The following KLHL1 variants were observed in gnomAD, a reference collection of about 807,000 sequenced individuals.
KLHL1 encodes the protein kelch-like protein 1.
In KLHL1, 47 loss-of-function variants were observed where a neutral mutation model predicts 77.7. The observed-to-expected ratio is 0.60, with a 90% CI of 0.48 to 0.77. The LOEUF (loss-of-function observed/expected upper bound fraction) is 0.77, where lower values mean the gene tolerates loss of function less well. KLHL1 is among the 30% of genes least tolerant of loss of function. The probability of loss-of-function intolerance (pLI) is 0.00; values close to 1 mark genes in which losing one functional copy is unlikely to be tolerated. For missense variants in KLHL1, 925 were observed against 910.8 expected (o/e 1.02, Z -0.20); for synonymous variants, 360 against 325.2 (o/e 1.11, Z -1.15).
At chr13:69,712,370 C>A (rs971550572) in intron 9 of KLHL1, among the ~76,000 whole-genome samples, 4 of 151,606 alleles carry the variant, frequency 2.6e-5, no homozygotes, top group African/African-American at 7.3e-5. Context: ...ATGTGATATG[C>A]AATAGAGGGT....
At chr13:69,714,542 C>A (rs1221733085) in intron 9 of KLHL1, among the ~76,000 whole-genome samples, 1 of 151,744 alleles carries the variant, frequency 6.6e-6, no homozygotes, top group Non-Finnish European at 1.5e-5. Flanking sequence ...GACAGAAAAC[C>A]ATAATTAGCA....
intron 5 of KLHL1, among the ~76,000 whole-genome samples, chr13:69,876,771 C>A (rs777406561): frequency 1.3e-5 from 2 of 152,200 alleles, no homozygotes; most frequent in Non-Finnish European, 2.9e-5. Flanking sequence ...GGAGCAGTGG[C>A]TCATGCCTGT....
intron 1 of KLHL1, among the ~76,000 whole-genome samples, chr13:70,056,665 A>G (rs1886752075): frequency 6.6e-6 from 1 of 152,182 alleles, no homozygotes; most frequent in African/African-American, 2.4e-5. Flanking sequence ...ATAAGTAACA[A>G]GAGGTACTTC....
intron 1 of KLHL1, among the ~76,000 whole-genome samples, chr13:70,077,423 T>TA (rs895094900): frequency 4.0e-5 from 6 of 151,124 alleles, no homozygotes; most frequent in Admixed American, 6.6e-5. Flanking sequence ...CTACAGAGAT[T>TA]AAAAAAAAAT....
intron 2 of KLHL1, among the ~76,000 whole-genome samples, chr13:69,971,976 AG>A (rs1403313961): frequency 6.6e-6 from 1 of 152,012 alleles, no homozygotes; most frequent in East Asian, 1.9e-4. Flanking sequence ...AGAAAACAAA[AG>A]TTTTTCAGTT....
At chr13:70,033,679 GC>G (rs1345277403) in intron 1 of KLHL1, among the ~76,000 whole-genome samples, 2 of 126,898 alleles carry the variant, frequency 1.6e-5, no homozygotes, top group East Asian at 4.7e-4. Flanking sequence ...GCATGCAGTG[GC>G]ACCATCTTGA....
chr13:69,794,325 T>C (rs1428754380), intron 7 of KLHL1, among the ~76,000 whole-genome samples: 5 of 152,156 alleles, frequency 3.3e-5, no homozygotes, highest in Non-Finnish European at 7.4e-5. Flanking sequence ...ACGTATCATA[T>C]GCCTTAGCCC....
At chr13:69,751,229 C>T (rs1874465219) in intron 7 of KLHL1, among the ~76,000 whole-genome samples, 1 of 151,506 alleles carries the variant, frequency 6.6e-6, no homozygotes, top group South Asian at 2.1e-4. Context: ...TAGCAGTTTG[C>T]TAACTTTCAA....
chr13:70,093,375 CTTTTAGGTAA>C (rs1887714825), intron 1 of KLHL1, among the ~76,000 whole-genome samples: 1 of 152,002 alleles, frequency 6.6e-6, no homozygotes, highest in African/African-American at 2.4e-5. Context: ...CTCTGAAGTA[CTTTTAGGTAA>C]CCAAAGACTC....
chr13:69,720,235 A>AC (rs757493316), intron 8 of KLHL1, among the ~76,000 whole-genome samples: 62 of 151,850 alleles, frequency 4.1e-4, no homozygotes, highest in East Asian at 9.7e-4. Context: ...GTATGATAGA[A>AC]CCCCCCCAAA....
At chr13:69,837,997 T>C (rs1421033275) in intron 6 of KLHL1, among the ~76,000 whole-genome samples, 1 of 151,628 alleles carries the variant, frequency 6.6e-6, no homozygotes, top group Non-Finnish European at 1.5e-5. Context: ...TTTTCATATT[T>C]ACAGGAATTG....
At chr13:69,855,121 A>T (rs1044882060) in intron 5 of KLHL1, among the ~76,000 whole-genome samples, 3 of 151,988 alleles carry the variant, frequency 2.0e-5, no homozygotes, top group Non-Finnish European at 2.9e-5. Context: ...TAATATGCTA[A>T]AGTTGAAATC....
chr13:70,047,783 A>G (rs1309307451), intron 1 of KLHL1, among the ~76,000 whole-genome samples: 1 of 152,144 alleles, frequency 6.6e-6, no homozygotes, highest in Non-Finnish European at 1.5e-5. Context: ...ATTATATCTT[A>G]TTTCTTGTTC....
chr13:69,914,440 C>A (rs1046276897), intron 4 of KLHL1, among the ~76,000 whole-genome samples: 17 of 152,114 alleles, frequency 1.1e-4, no homozygotes, highest in African/African-American at 4.1e-4. Flanking sequence ...TCCTCAGTGG[C>A]TTTCTCTTGA....
At chr13:69,800,856 T>C (rs1877344711) in intron 6 of KLHL1, among the ~76,000 whole-genome samples, 1 of 152,156 alleles carries the variant, frequency 6.6e-6, no homozygotes, top group Non-Finnish European at 1.5e-5. Context: ...TTTATCATAA[T>C]ATAGATTACA....
chr13:69,704,973 A>AT (rs398117508), intron 10 of KLHL1, among the ~76,000 whole-genome samples: 29 of 174 alleles, frequency 0.17, no homozygotes, highest in Admixed American at 0.47. Flanking sequence ...ACTTAGTTGC[A>AT]CAATAGTTCT....
At chr13:69,734,930 T>C (rs981168350) in intron 8 of KLHL1, among the ~76,000 whole-genome samples, 7 of 152,138 alleles carry the variant, frequency 4.6e-5, no homozygotes, top group African/African-American at 1.2e-4. Context: ...CATGCCATGA[T>C]GTTATGCTAA....
intron 6 of KLHL1, among the ~76,000 whole-genome samples, chr13:69,837,770 C>T (rs1284383546): frequency 6.7e-6 from 1 of 149,970 alleles, no homozygotes; most frequent in African/African-American, 2.4e-5. Flanking sequence ...AAAGAGACTA[C>T]CCCAGATGGA....
chr13:69,720,161 G>C (rs1000084814), intron 8 of KLHL1, among the ~76,000 whole-genome samples: 1 of 152,098 alleles, frequency 6.6e-6, no homozygotes, highest in Non-Finnish European at 1.5e-5. Context: ...ATGTTAGTAT[G>C]ATTGAAAATT....
Sources: allele counts gnomAD v4.1 joint callset (sites outside exome capture counted in the v4.1 genomes callset), GRCh38; gene constraint gnomAD v4.1.1; transcripts MANE v1.5; gene names NCBI Gene and HGNC (gene_info 2026-07-23, HGNC 2026-07-21).